CTNNA3: variants seen among roughly 807,000 people sequenced by gnomAD.
CTNNA3 encodes catenin alpha-3.
In CTNNA3, 76 loss-of-function variants were observed where a neutral mutation model predicts 95.7. That is an observed-to-expected ratio of 0.79 (90% confidence interval 0.66 to 0.96). The LOEUF is 0.96. CTNNA3 is among the 40% of genes least tolerant of loss of function. CTNNA3 has a pLI of 0.00. For synonymous variants in CTNNA3, 431 were observed against 374.4 expected, an observed-to-expected ratio of 1.15 and a Z score of -1.74; for missense variants, 1,191 against 1,089.8, an observed-to-expected ratio of 1.09 and a Z score of -1.31.
chr10:66,672,990 A>T (rs1846718594), intron 9 of CTNNA3, among the ~76,000 whole-genome samples: 2 of 152,106 alleles, frequency 1.3e-5, no homozygotes, highest in African/African-American at 2.4e-5. Flanking sequence ...TCAAAGCCAT[A>T]TGGATGTTAG....
In CTNNA3 at chr10:66,944,398, C is replaced by G. The variant is rs576461910; in HGVS notation, c.1048-168874G>C. On this transcript the variant is annotated intron_variant, in intron 7 of 17. Transcript: ENST00000433211. ...TCACACTCCATCTCTAATTCTAGTTCCCCGCTATTTCCACCACATCTTCAG... is the reference window on the plus strand; with the variant it reads ...TCACACTCCATCTCTAATTCTAGTTGCCCGCTATTTCCACCACATCTTCAG... Among the ~76,000 whole-genome samples the G allele has an allele frequency of 2.4e-4, 37 of 152,220 alleles. No homozygotes were observed. The South Asian group carries it at 7.7e-3, about 32-fold the overall frequency.
intron 11 of CTNNA3, among the ~76,000 whole-genome samples, chr10:66,463,370 G>T (rs1007378219): frequency 6.6e-6 from 1 of 152,080 alleles, no homozygotes; most frequent in Non-Finnish European, 1.5e-5. Context: ...TCCACAAGTG[G>T]GGGCAGCCTG....
At chr10:66,689,634 G>T (rs535796554) in intron 9 of CTNNA3, among the ~76,000 whole-genome samples, 2 of 152,244 alleles carry the variant, frequency 1.3e-5, no homozygotes, top group East Asian at 3.9e-4. Flanking sequence ...AGACAATTTT[G>T]ATATCTCAAA....
chr10:66,715,029 C>G (rs1479043891), intron 9 of CTNNA3, among the ~76,000 whole-genome samples: 1 of 151,952 alleles, frequency 6.6e-6, no homozygotes, highest in Non-Finnish European at 1.5e-5. Context: ...TGCCTTTTTG[C>G]CTTTTCCTAG....
chr10:67,456,829 G>A (rs1480883474), intron 5 of CTNNA3, among the ~76,000 whole-genome samples: 1 of 151,956 alleles, frequency 6.6e-6, no homozygotes, highest in Non-Finnish European at 1.5e-5. Context: ...TTTTTAACCC[G>A]TAAAATAAAA....
chr10:66,188,853 T>C (rs368288349), intron 13 of CTNNA3, among the ~76,000 whole-genome samples: 1 of 152,142 alleles, frequency 6.6e-6, no homozygotes, highest in East Asian at 1.9e-4. Flanking sequence ...ACCAAGAGTA[T>C]ATCAGGTTTC....
At chr10:67,459,228 A>C (rs751417681) in intron 5 of CTNNA3, among the ~76,000 whole-genome samples, 8 of 152,234 alleles carry the variant, frequency 5.3e-5, no homozygotes, top group Non-Finnish European at 7.3e-5. Flanking sequence ...TCCCCCAATT[A>C]GTATGAGTGT....
chr10:67,506,050 G>T (rs771813717), intron 5 of CTNNA3, among the ~76,000 whole-genome samples: 1 of 152,082 alleles, frequency 6.6e-6, no homozygotes, highest in East Asian at 1.9e-4. Context: ...AGTTTATCTG[G>T]TCAATGAATG....
At chr10:66,275,952 A>T (rs772777627) in intron 13 of CTNNA3, among the ~76,000 whole-genome samples, 1 of 152,194 alleles carries the variant, frequency 6.6e-6, no homozygotes, top group Non-Finnish European at 1.5e-5. Flanking sequence ...CTGTAGGTGA[A>T]ATAGAATCAG....
At chr10:66,788,774 C>A (rs1211111332) in intron 7 of CTNNA3, among the ~76,000 whole-genome samples, 1 of 152,046 alleles carries the variant, frequency 6.6e-6, no homozygotes, top group Non-Finnish European at 1.5e-5. Flanking sequence ...ACCATACTGG[C>A]GAGCACTGAA....
intron 7 of CTNNA3, among the ~76,000 whole-genome samples, chr10:67,034,447 T>C (rs1360992565): frequency 6.6e-6 from 1 of 152,316 alleles, no homozygotes; most frequent in East Asian, 1.9e-4. Context: ...TTATGATCTA[T>C]CACATCTTCT....
intron 9 of CTNNA3, among the ~76,000 whole-genome samples, chr10:66,756,904 A>G (rs895977058): frequency 1.3e-5 from 2 of 152,202 alleles, no homozygotes; most frequent in African/African-American, 4.8e-5. Flanking sequence ...CAGAAATTGC[A>G]AAACTAGTGA....
chr10:67,684,604 G>A (rs1484759503), intron 1 of CTNNA3, among the ~76,000 whole-genome samples: 2 of 152,196 alleles, frequency 1.3e-5, no homozygotes, highest in Non-Finnish European at 2.9e-5. Context: ...GGGCAAAGAA[G>A]GGGCCTGCCC....
At chr10:67,248,498 C>G (rs909283113) in intron 5 of CTNNA3, among the ~76,000 whole-genome samples, 1 of 152,046 alleles carries the variant, frequency 6.6e-6, no homozygotes, top group Non-Finnish European at 1.5e-5. Flanking sequence ...TCACTGTAGC[C>G]TGGACCTCCT....
intron 7 of CTNNA3, among the ~76,000 whole-genome samples, chr10:66,897,316 A>G (rs1845539001): frequency 6.6e-6 from 1 of 152,196 alleles, no homozygotes; most frequent in Non-Finnish European, 1.5e-5. Context: ...AAGTGGGGAT[A>G]TCCATGGGAA....
At chr10:67,095,102 T>G (rs1857903475) in intron 7 of CTNNA3, among the ~76,000 whole-genome samples, 1 of 151,512 alleles carries the variant, frequency 6.6e-6, no homozygotes, top group African/African-American at 2.4e-5. Context: ...ATATATCCAA[T>G]GCTAACTCTC....
At chr10:66,230,674 G>A (rs542896570) in intron 13 of CTNNA3, among the ~76,000 whole-genome samples, 2 of 152,242 alleles carry the variant, frequency 1.3e-5, no homozygotes, top group African/African-American at 4.8e-5. Flanking sequence ...CAAGTTTATG[G>A]AGAGCGTGCA....
intron 5 of CTNNA3, among the ~76,000 whole-genome samples, chr10:67,360,747 A>C (rs1842967585): frequency 6.6e-6 from 1 of 152,024 alleles, no homozygotes; most frequent in South Asian, 2.1e-4. Context: ...CATACTTTTA[A>C]ACAATCGATC....
chr10:67,538,438 C>T (rs954835752), intron 4 of CTNNA3, among the ~76,000 whole-genome samples: 1 of 151,646 alleles, frequency 6.6e-6, no homozygotes, highest in Non-Finnish European at 1.5e-5. Flanking sequence ...AAAAAATTAG[C>T]CAGGCATGGT....
Sources: allele counts gnomAD v4.1 joint callset (sites outside exome capture counted in the v4.1 genomes callset), GRCh38; gene constraint gnomAD v4.1.1; transcripts MANE v1.5; gene names NCBI Gene and HGNC (gene_info 2026-07-23, HGNC 2026-07-21).